The following ARHGAP26 variants were observed in gnomAD, a reference collection of about 807,000 sequenced individuals.
The protein encoded by ARHGAP26 is Rho GTPase activating protein 26.
A neutral mutation model predicts 104.8 loss-of-function variants in ARHGAP26; 38 were observed. The observed-to-expected ratio is 0.36, with a 90% CI of 0.28 to 0.48. The LOEUF (loss-of-function observed/expected upper bound fraction) is 0.48, where lower values mean the gene tolerates loss of function less well. Among genes scored for constraint, ARHGAP26 ranks in the 20% least tolerant of loss-of-function variants. The pLI, the probability that ARHGAP26 is intolerant of heterozygous loss-of-function variation, is 0.99. For synonymous variants in ARHGAP26, 341 were observed against 340.0 expected (o/e 1.00, Z -0.03); for missense variants, 704 against 947.9 (o/e 0.74, Z 3.38).
chr5:142,891,308 G>A (rs182049648), intron 5 of ARHGAP26, among the ~76,000 whole-genome samples: 1 of 152,050 alleles, frequency 6.6e-6, no homozygotes, highest in Admixed American at 6.5e-5. Flanking sequence ...CTGATTGGAA[G>A]TCTTAGAAAA....
At chr5:142,899,318 A>G (rs1759938403) in intron 6 of ARHGAP26, among the ~76,000 whole-genome samples, 1 of 152,240 alleles carries the variant, frequency 6.6e-6, no homozygotes, top group South Asian at 2.1e-4. Flanking sequence ...GAATGGTGAC[A>G]ATCCAGAGTG....
At chr5:142,877,509 A>G (rs1412593338) in intron 3 of ARHGAP26, among the ~76,000 whole-genome samples, 1 of 152,162 alleles carries the variant, frequency 6.6e-6, no homozygotes, top group Non-Finnish European at 1.5e-5. Flanking sequence ...CAGTCGTAGA[A>G]TCTTAGACTA....
intron 1 of ARHGAP26, among the ~76,000 whole-genome samples, chr5:142,829,112 G>A (rs1486761428): frequency 6.6e-6 from 1 of 152,248 alleles, no homozygotes; most frequent in African/African-American, 2.4e-5. Context: ...GGCTGGTGGT[G>A]ATAAGGAGAG....
At chr5:142,873,590 A>G in intron 2 of ARHGAP26, 95 bp downstream of exon 2, 1 of 818,710 alleles carries the variant, frequency 1.2e-6, no homozygotes, top group South Asian at 2.2e-5. Context: ...GGAAGTCTCT[A>G]AGGTTAGTAA....
At chr5:143,088,775 C>A (rs187492317) in intron 17 of ARHGAP26, among the ~76,000 whole-genome samples, 1 of 152,182 alleles carries the variant, frequency 6.6e-6, no homozygotes, top group African/African-American at 2.4e-5. Context: ...TGATCCCTGC[C>A]GCTGTGTCGT....
chr5:143,064,736 C>T (rs998493261), intron 17 of ARHGAP26, among the ~76,000 whole-genome samples: 16 of 152,130 alleles, frequency 1.1e-4, no homozygotes, highest in South Asian at 2.1e-4. Context: ...TTACTTTCAA[C>T]CCAAGAATTT....
intron 17 of ARHGAP26, among the ~76,000 whole-genome samples, chr5:143,072,369 T>C (rs1788393058): frequency 6.6e-6 from 1 of 151,966 alleles, no homozygotes; most frequent in African/African-American, 2.4e-5. Context: ...AAACTGAAAA[T>C]ACAACAACAT....
At chr5:142,829,290 C>G (rs1015534620) in intron 1 of ARHGAP26, among the ~76,000 whole-genome samples, 12 of 152,152 alleles carry the variant, frequency 7.9e-5, no homozygotes, top group African/African-American at 2.9e-4. Flanking sequence ...ATTAACAGTG[C>G]CCCCTTTCTC....
At chr5:142,882,176 C>G (rs1382974042) in intron 4 of ARHGAP26, among the ~76,000 whole-genome samples, 1 of 152,164 alleles carries the variant, frequency 6.6e-6, no homozygotes, top group Middle Eastern at 3.2e-3. Context: ...CTCACTTCTG[C>G]CATTTGCATG....
rs755239975 is a variant in ARHGAP26, at chr5:143,134,028, A to C, written c.1760A>C (p.Lys587Thr). ...TNAQLHLSRK[K>T]SSDSKPPSCS... Reference sequence around the variant, plus strand: ...GCCCAGCTGCACCTGTCTCGGAAGAAGAGCAGTGACTCCAAGCCCCCGTCC... The same window carrying C: ...GCCCAGCTGCACCTGTCTCGGAAGACGAGCAGTGACTCCAAGCCCCCGTCC... Residue 587 changes from lysine (K) to threonine (T), a missense_variant, in exon 19 of 23, where the codon AAG becomes ACG. Lys to Thr is a moderately conservative substitution (Grantham distance 78). This residue lies in a region of ARHGAP26 where 217 missense variants were observed against 242.6 expected (regional missense o/e 0.89). Coordinates refer to ENST00000645722, the MANE Select transcript of ARHGAP26 (RefSeq NM_001135608.3). 6.2e-7 allele frequency: 1 copy of C among 1,613,434 alleles called. No homozygotes were observed. The highest frequency in any genetic ancestry group is 1.7e-4 in the Middle Eastern group (1 of 6,060).
At chr5:143,047,196 T>C (rs1784359143) in intron 14 of ARHGAP26, among the ~76,000 whole-genome samples, 1 of 152,180 alleles carries the variant, frequency 6.6e-6, no homozygotes, top group Non-Finnish European at 1.5e-5. Context: ...AATATCCCCA[T>C]AGAGGCAGGA....
chr5:142,888,813 T>G (rs936249573), intron 5 of ARHGAP26, among the ~76,000 whole-genome samples: 15 of 152,242 alleles, frequency 9.9e-5, no homozygotes, highest in African/African-American at 2.9e-4. Flanking sequence ...GCACTGGGTG[T>G]TTTGTAGAAA....
chr5:142,863,744 G>A (rs995442827), intron 1 of ARHGAP26, among the ~76,000 whole-genome samples: 2 of 152,084 alleles, frequency 1.3e-5, no homozygotes, highest in African/African-American at 4.8e-5. Context: ...GTAGACTCTC[G>A]GGCTCCCAGG....
At chr5:142,814,583 TACA>T (rs1204088442) in intron 1 of ARHGAP26, among the ~76,000 whole-genome samples, 4 of 152,220 alleles carry the variant, frequency 2.6e-5, no homozygotes, top group Admixed American at 1.3e-4. Flanking sequence ...AAATCTTCAG[TACA>T]ACAAGGTGAG....
chr5:143,146,862 G>A (rs1799219765), intron 19 of ARHGAP26, among the ~76,000 whole-genome samples: 1 of 152,228 alleles, frequency 6.6e-6, no homozygotes, highest in African/African-American at 2.4e-5. Flanking sequence ...AGAAGCCAAG[G>A]GGATCTGGGT....
intron 17 of ARHGAP26, among the ~76,000 whole-genome samples, chr5:143,116,202 A>G (rs1795420801): frequency 6.6e-6 from 1 of 152,214 alleles, no homozygotes. Flanking sequence ...AGGTCAGATA[A>G]ATGTAAAAAG....
At chr5:142,850,598 G>A (rs1486188564) in intron 1 of ARHGAP26, among the ~76,000 whole-genome samples, 1 of 152,190 alleles carries the variant, frequency 6.6e-6, no homozygotes, top group Non-Finnish European at 1.5e-5. Flanking sequence ...CTGAGCCTCA[G>A]TCTCTCCGTA....
intron 1 of ARHGAP26, among the ~76,000 whole-genome samples, chr5:142,781,364 CT>C (rs11332182): frequency 0.28 from 41,997 of 151,914 alleles, 11,820 homozygotes; most frequent in African/African-American, 0.72. Flanking sequence ...ATATGGTTAA[CT>C]TTTTTTTTCT....
chr5:142,804,870 A>G (rs1022211731), intron 1 of ARHGAP26, among the ~76,000 whole-genome samples: 1 of 152,028 alleles, frequency 6.6e-6, no homozygotes, highest in South Asian at 2.1e-4. Context: ...TGCTCTCACC[A>G]TCATGCAACC....
Sources: allele counts gnomAD v4.1 joint callset (sites outside exome capture counted in the v4.1 genomes callset), GRCh38; gene constraint gnomAD v4.1.1; regional missense constraint gnomAD v4.1.1; transcripts MANE v1.5; gene names NCBI Gene and HGNC (gene_info 2026-07-23, HGNC 2026-07-21).